The following CASP8 variants were observed in gnomAD, a reference collection of about 807,000 sequenced individuals.
The protein encoded by CASP8 is caspase-8.
CASP8 carries 24 observed loss-of-function variants against 46.3 expected under a neutral mutation model. The observed-to-expected ratio is 0.52, with a 90% CI of 0.38 to 0.73. CASP8 has a LOEUF of 0.73. CASP8 is among the 30% of genes least tolerant of loss of function. CASP8 has a pLI of 0.00. For missense variants in CASP8, 460 were observed against 559.0 expected (o/e 0.82, Z 1.79); for synonymous variants, 188 against 200.4 (o/e 0.94, Z 0.52).
chr2:201,250,301 C>T (rs1946720853), intron 2 of CASP8, among the ~76,000 whole-genome samples: 1 of 152,196 alleles, frequency 6.6e-6, no homozygotes, highest in Admixed American at 6.5e-5. Context: ...TTAAAATATT[C>T]AATATGTCAT....
chr2:201,249,648 G>A (rs1426292468), intron 2 of CASP8, among the ~76,000 whole-genome samples: 3 of 152,154 alleles, frequency 2.0e-5, no homozygotes, highest in African/African-American at 4.8e-5. Context: ...TCGCTTGAGC[G>A]CGGGAGGCGG....
At chr2:201,241,563 G>A (rs1946300292) in intron 2 of CASP8, 1 of 152,180 alleles carries the variant, frequency 6.6e-6, no homozygotes, top group Non-Finnish European at 1.5e-5. Flanking sequence ...AATCAAAAAT[G>A]TTCCCCAAAC....
intron 2 of CASP8, among the ~76,000 whole-genome samples, chr2:201,236,638 G>A (rs1217021761): frequency 6.6e-6 from 1 of 152,158 alleles, no homozygotes; most frequent in Non-Finnish European, 1.5e-5. Flanking sequence ...AGGCTGGAGT[G>A]CAGTGGTGTG....
rs1948515211 is a variant in CASP8, at chr2:201,274,779, A to G, written c.596-110A>G. On this transcript the variant is annotated intron_variant, in intron 5 of 8. Transcript: ENST00000673742. ...GGCGTGAGCCCCTGTTCCCAGCTTG[A>G]ATTTTCATCTTAAAAAAGACCTTAT... The G allele has an allele frequency of 3.3e-6, 3 of 896,800 alleles. No individual in the cohort carries two copies. The South Asian group carries it at 4.3e-5, about 13-fold the overall frequency. The allele number at this position is 896,800 out of a possible 1,614,324, so 55.6% of individuals were successfully genotyped here.
At chr2:201,245,098 G>A (rs929506967) in intron 2 of CASP8, among the ~76,000 whole-genome samples, 3 of 152,134 alleles carry the variant, frequency 2.0e-5, no homozygotes, top group Non-Finnish European at 4.4e-5. Context: ...CATCATATAT[G>A]CCCCATGCTT....
At chr2:201,258,304 C>A (rs201548238), upstream of CASP8, 10 of 1,614,092 alleles carry the variant, frequency 6.2e-6, no homozygotes, top group Middle Eastern at 1.6e-4. Flanking sequence ...CTTTCCCACC[C>A]CCTTCCCTGC....
At chr2:201,236,188 C>T (rs1946040124) in intron 2 of CASP8, among the ~76,000 whole-genome samples, 1 of 152,166 alleles carries the variant, frequency 6.6e-6, no homozygotes, top group Non-Finnish European at 1.5e-5. Context: ...CCTCCTGCCC[C>T]TCCCCACCCC....
upstream of CASP8, chr2:201,258,057 G>A: frequency 1.4e-6 from 1 of 700,782 alleles, no homozygotes; most frequent in South Asian, 1.6e-5. Flanking sequence ...TTCTGCTTTA[G>A]GAGTAAAGTT....
chr2:201,247,068 G>T (rs895478635), intron 2 of CASP8, among the ~76,000 whole-genome samples: 1 of 151,608 alleles, frequency 6.6e-6, no homozygotes, highest in Non-Finnish European at 1.5e-5. Context: ...AGTGGCAGGC[G>T]CCTGTATTCT....
intron 2 of CASP8, among the ~76,000 whole-genome samples, chr2:201,252,027 G>T (rs868095331): frequency 1.3e-5 from 2 of 152,220 alleles, no homozygotes; most frequent in South Asian, 4.1e-4. Context: ...ATGTTTGGTG[G>T]TGTCAGTGTT....
intron 2 of CASP8, among the ~76,000 whole-genome samples, chr2:201,244,549 G>C (rs1372874895): frequency 6.6e-6 from 1 of 152,002 alleles, no homozygotes; most frequent in Non-Finnish European, 1.5e-5. Context: ...AATCTGGCCT[G>C]GATCCTCTGA....
At chr2:201,255,991 C>A (rs1189667952), upstream of CASP8, among the ~76,000 whole-genome samples, 1 of 152,178 alleles carries the variant, frequency 6.6e-6, no homozygotes, top group African/African-American at 2.4e-5. Flanking sequence ...CTCTTGGGCT[C>A]AAGCGATCAT....
At chr2:201,270,558 A>G (rs751561309) in intron 2 of CASP8, among the ~76,000 whole-genome samples, 9 of 152,108 alleles carry the variant, frequency 5.9e-5, no homozygotes, top group African/African-American at 1.2e-4. Flanking sequence ...TAAACAGACA[A>G]TTATTTTCTG....
At chr2:201,260,481 A>T (rs1445711901), upstream of CASP8, 1 of 937,144 alleles carries the variant, frequency 1.1e-6, no homozygotes, top group Non-Finnish European at 1.3e-6. Flanking sequence ...TTTGTGACTC[A>T]GGAGTTTCGA....
In CASP8 at chr2:201,276,972, C is replaced by T. The variant is rs746813867; in HGVS notation, c.802+4C>T. The T allele has an allele frequency of 6.2e-7, 1 of 1,603,372 alleles. No individual in the cohort carries two copies. The highest frequency in any genetic ancestry group is 1.1e-5 in the South Asian group (1 of 90,868). ...AATGGAACACACTTGGATGCAGGTA[C>T]AGTAGAACCCAAAAGAGAAAAGTAA... is the stretch of plus-strand genomic sequence containing the variant. On this transcript the variant is annotated splice_donor_region_variant and intron_variant, in intron 7 of 8. Coordinates refer to ENST00000673742, the MANE Select transcript of CASP8 (RefSeq NM_001372051.1).
intron 7 of CASP8, among the ~76,000 whole-genome samples, chr2:201,283,852 GC>G (rs1949349221): frequency 2.1e-5 from 1 of 47,972 alleles, no homozygotes; most frequent in Non-Finnish European, 5.3e-5. Flanking sequence ...CGGGGTGGCT[GC>G]CGGGCGGAGA....
intron 2 of CASP8, among the ~76,000 whole-genome samples, chr2:201,243,182 T>C (rs916552804): frequency 7.9e-5 from 12 of 152,352 alleles, no homozygotes; most frequent in African/African-American, 2.9e-4. Context: ...TCAACAATAC[T>C]GTATTGTACA....
Position 201,260,569 on chromosome 2 carries a change from T to C in CASP8, c.-71T>C. 1 of 985,272 alleles carries C rather than the reference T, an allele frequency of 1.0e-6. No homozygotes were observed. Among genetic ancestry groups the C allele is most frequent in the South Asian group, 4.7e-5 (1 of 21,280 alleles). The allele number at this position is 985,272 out of a possible 1,614,324, so 61.0% of individuals were successfully genotyped here. On this transcript the variant is annotated 5_prime_UTR_variant, in exon 1 of 9. The change abolishes the stop of an existing upstream ORF in the 5' untranslated region. Coordinates refer to ENST00000673742, the MANE Select transcript of CASP8 (RefSeq NM_001372051.1). ...GCTCTTGTCTTAGATGCTCAGATGG[T>C]AGTGGATAGGCCTGTGACGAAGGTG... is the stretch of plus-strand genomic sequence containing the variant.
At chr2:201,242,286 C>A (rs534387166) in intron 2 of CASP8, 11 of 152,104 alleles carry the variant, frequency 7.2e-5, no homozygotes, top group Admixed American at 2.0e-4. Flanking sequence ...AAACAAAATA[C>A]CATAGACTGG....
Sources: gnomAD v4.1 joint callset for allele counts (sites outside exome capture counted in the v4.1 genomes callset) on GRCh38, gnomAD v4.1.1 for gene constraint, MANE v1.5 for transcripts, NCBI Gene and HGNC (gene_info 2026-07-23, HGNC 2026-07-21) for gene names.